LRFN5: variants seen among roughly 807,000 people sequenced by gnomAD.
LRFN5 encodes leucine rich repeat and fibronectin type III domain containing 5.
In LRFN5, 24 loss-of-function variants were observed where a neutral mutation model predicts 45.6. The observed-to-expected ratio is 0.53, with a 90% CI of 0.38 to 0.74. The LOEUF is 0.74. Among genes scored for constraint, LRFN5 ranks in the 30% least tolerant of loss-of-function variants. LRFN5 has a pLI of 0.00. For missense variants in LRFN5, 776 were observed against 861.5 expected (o/e 0.90, Z 1.24); for synonymous variants, 340 against 313.8 (o/e 1.08, Z -0.88).
chr14:41,883,861 T>C (rs1322459656), intron 2 of LRFN5, among the ~76,000 whole-genome samples: 2 of 152,220 alleles, frequency 1.3e-5, no homozygotes, highest in African/African-American at 2.4e-5. Context: ...CTTTTAGTTC[T>C]TTAAATATAT....
At chr14:41,650,236 T>TAC (rs1555351105) in intron 1 of LRFN5, among the ~76,000 whole-genome samples, 3,336 of 128,178 alleles carry the variant, frequency 0.026, 84 homozygotes, top group Admixed American at 0.058. Context: ...TCTACAAAAA[T>TAC]ACACACACAC....
At chr14:41,801,757 C>T (rs1887342807) in intron 2 of LRFN5, among the ~76,000 whole-genome samples, 1 of 152,156 alleles carries the variant, frequency 6.6e-6, no homozygotes, top group Non-Finnish European at 1.5e-5. Context: ...GTAGTAACTG[C>T]ATAAATTGCT....
At chr14:41,721,701 T>G (rs573661266) in intron 1 of LRFN5, among the ~76,000 whole-genome samples, 1 of 152,300 alleles carries the variant, frequency 6.6e-6, no homozygotes, top group South Asian at 2.1e-4. Context: ...GCTTCCAGTC[T>G]CTTCTGGCTT....
chr14:41,674,788 G>GGA, intron 1 of LRFN5, among the ~76,000 whole-genome samples: 1 of 145,980 alleles, frequency 6.9e-6, no homozygotes, highest in Non-Finnish European at 1.5e-5. Flanking sequence ...CGGGCGGAGA[G>GGA]GCTCCTCACT....
intron 1 of LRFN5, among the ~76,000 whole-genome samples, chr14:41,704,444 C>CTGTGTGTGTGTGTGTGTGTG (rs1406046125): frequency 8.6e-4 from 110 of 127,924 alleles, no homozygotes; most frequent in African/African-American, 3.7e-3. Flanking sequence ...CTCTCTCTCT[C>CTGTGTGTGTGTGTGTGTGTG]TCTCTGTGTG....
chr14:41,699,984 AGAAAT>A (rs541985008), intron 1 of LRFN5: 203 of 152,238 alleles, frequency 1.3e-3, no homozygotes, highest in African/African-American at 4.8e-3. Flanking sequence ...AATGAGAAAA[AGAAAT>A]GAAGATTTAC....
chr14:41,670,209 G>GTGTGTATGGA (rs1881114596), intron 1 of LRFN5, among the ~76,000 whole-genome samples: 1 of 130,794 alleles, frequency 7.6e-6, no homozygotes, highest in African/African-American at 2.9e-5. Flanking sequence ...TTCTCTGTGT[G>GTGTGTATGGA]TGTGTGTATA....
intron 2 of LRFN5, among the ~76,000 whole-genome samples, chr14:41,821,915 C>G (rs981024920): frequency 1.3e-5 from 2 of 151,790 alleles, no homozygotes; most frequent in Non-Finnish European, 2.9e-5. Context: ...AGGAATTTAT[C>G]AAATTCCTCT....
chr14:41,714,907 T>TAA (rs777680478), intron 1 of LRFN5, among the ~76,000 whole-genome samples: 1 of 151,642 alleles, frequency 6.6e-6, no homozygotes, highest in Admixed American at 6.6e-5. Context: ...CCTATTTTTT[T>TAA]AAAAAAAAGT....
chr14:41,683,167 T>A (rs1185561215), intron 1 of LRFN5, among the ~76,000 whole-genome samples: 3 of 152,146 alleles, frequency 2.0e-5, no homozygotes, highest in African/African-American at 7.2e-5. Context: ...GGTTCAACTT[T>A]TGCACACCAA....
chr14:41,827,813 A>G (rs886879228), intron 2 of LRFN5, among the ~76,000 whole-genome samples: 2 of 151,998 alleles, frequency 1.3e-5, no homozygotes, highest in Non-Finnish European at 2.9e-5. Context: ...TTCATTGCTT[A>G]TATGTTTCTA....
chr14:41,893,289 A>G (rs1566510282), intron 4 of LRFN5: 10 of 946,512 alleles, frequency 1.1e-5, no homozygotes, highest in Non-Finnish European at 1.3e-5. Flanking sequence ...ATTAAGGTCT[A>G]TAGATAAATG....
At chr14:41,677,531 C>G (rs1881689731) in intron 1 of LRFN5, among the ~76,000 whole-genome samples, 1 of 151,938 alleles carries the variant, frequency 6.6e-6, no homozygotes, top group African/African-American at 2.4e-5. Flanking sequence ...TCATAAAATA[C>G]AGAATATTAA....
intron 1 of LRFN5, among the ~76,000 whole-genome samples, chr14:41,682,396 A>C (rs1452161759): frequency 6.6e-6 from 1 of 152,084 alleles, no homozygotes. Context: ...TTTACTTATT[A>C]GTTAATTTTT....
At chr14:41,619,951 A>C (rs1056690703) in intron 1 of LRFN5, among the ~76,000 whole-genome samples, 6 of 152,126 alleles carry the variant, frequency 3.9e-5, no homozygotes, top group African/African-American at 1.4e-4. Context: ...AATTATTATT[A>C]TTATATATTG....
intron 2 of LRFN5, among the ~76,000 whole-genome samples, chr14:41,770,420 T>C (rs1052891916): frequency 2.7e-4 from 41 of 152,154 alleles, no homozygotes; most frequent in African/African-American, 8.7e-4. Flanking sequence ...CTCATCTCCT[T>C]CCACCTATGA....
intron 1 of LRFN5, among the ~76,000 whole-genome samples, chr14:41,730,282 G>A (rs1483700735): frequency 6.6e-6 from 1 of 151,796 alleles, no homozygotes; most frequent in African/African-American, 2.4e-5. Context: ...AATAAATAAA[G>A]GTCCTTATCA....
chr14:41,735,787 G>A (rs1270006593), intron 1 of LRFN5, among the ~76,000 whole-genome samples: 2 of 151,810 alleles, frequency 1.3e-5, no homozygotes, highest in Non-Finnish European at 2.9e-5. Context: ...CCCAGCATGT[G>A]ATGTTCCCCT....
intron 4 of LRFN5, chr14:41,895,071 GT>G: frequency 1.0e-6 from 1 of 983,762 alleles, no homozygotes; most frequent in Non-Finnish European, 1.2e-6. Context: ...AAAATAATGT[GT>G]TTCCTGTTAT....
Sources: allele counts gnomAD v4.1 joint callset (sites outside exome capture counted in the v4.1 genomes callset), GRCh38; gene constraint gnomAD v4.1.1; transcripts MANE v1.5; gene names NCBI Gene and HGNC (gene_info 2026-07-23, HGNC 2026-07-21).